The following WDR41 variants were observed in gnomAD, a reference collection of about 807,000 sequenced individuals.
The protein encoded by WDR41 is WD repeat-containing protein 41.
Under a neutral mutation model 69.3 loss-of-function variants are expected in WDR41, and 63 were observed. The observed-to-expected ratio is 0.91, with a 90% CI of 0.74 to 1.12. The LOEUF is 1.12. WDR41 is among the 50% of genes most tolerant of loss of function. WDR41 has a pLI of 0.00. For synonymous variants in WDR41, 185 were observed against 192.1 expected (o/e 0.96, Z 0.31); for missense variants, 543 against 534.5 (o/e 1.02, Z -0.16).
intron 1 of WDR41, among the ~76,000 whole-genome samples, chr5:77,610,003 GA>G (rs1408090991): frequency 2.0e-5 from 3 of 152,160 alleles, no homozygotes; most frequent in Non-Finnish European, 4.4e-5. Context: ...AGAACTACGT[GA>G]AGAATGCAGA....
At chr5:77,555,921 A>G (rs1039525544) in intron 1 of WDR41, among the ~76,000 whole-genome samples, 2 of 152,104 alleles carry the variant, frequency 1.3e-5, no homozygotes, top group African/African-American at 2.4e-5. Context: ...ACTGAAGAAG[A>G]AAAACAGAAG....
intron 1 of WDR41, among the ~76,000 whole-genome samples, chr5:77,515,345 C>G (rs1444215139): frequency 6.6e-6 from 1 of 152,126 alleles, no homozygotes; most frequent in Non-Finnish European, 1.5e-5. Flanking sequence ...TCATCAATAT[C>G]ACTATCTTCC....
chr5:77,477,111 CAAG>C (rs1191475564), intron 2 of WDR41, among the ~76,000 whole-genome samples: 1 of 148,054 alleles, frequency 6.8e-6, no homozygotes, highest in African/African-American at 2.6e-5. Flanking sequence ...ATCAATTCAA[CAAG>C]AAGAGCTAAC....
At chr5:77,491,171 T>G (rs1366394171) in intron 1 of WDR41, 22 of 409,720 alleles carry the variant, frequency 5.4e-5, no homozygotes, top group Non-Finnish European at 9.9e-6. Flanking sequence ...TGGCCGGTCC[T>G]CGCCTTAAGT....
At chr5:77,451,448 AAAG>A (rs1799625304) in intron 6 of WDR41, 95 bp from the exon 7 acceptor site, 3 of 1,112,594 alleles carry the variant, frequency 2.7e-6, no homozygotes, top group Non-Finnish European at 4.0e-6. Flanking sequence ...CGTTTTCCAT[AAAG>A]AAGATAAAGC....
At chr5:77,583,960 T>C (rs1326808041) in intron 1 of WDR41, among the ~76,000 whole-genome samples, 1 of 152,210 alleles carries the variant, frequency 6.6e-6, no homozygotes, top group African/African-American at 2.4e-5. Context: ...TCAATTAATG[T>C]AATACATCAT....
chr5:77,587,497 C>G (rs2112301978), intron 1 of WDR41, among the ~76,000 whole-genome samples: 1 of 152,328 alleles, frequency 6.6e-6, no homozygotes, highest in South Asian at 2.1e-4. Flanking sequence ...ACTTACTCAT[C>G]AACACTTGAT....
chr5:77,571,317 G>C (rs1040901300), intron 1 of WDR41, among the ~76,000 whole-genome samples: 9 of 152,004 alleles, frequency 5.9e-5, no homozygotes, highest in African/African-American at 2.2e-4. Context: ...CAGCCCTAAA[G>C]AGGTATAGAA....
chr5:77,483,481 CGTGTGTGTGTGTGTGTGTGTGTGTGTGT>C (rs35574463), intron 2 of WDR41, among the ~76,000 whole-genome samples: 12 of 143,460 alleles, frequency 8.4e-5, no homozygotes, highest in East Asian at 6.2e-4. Context: ...CCTGAATACT[CGTGTGTGTGTGTGTGTGTGTGTGTGTGT>C]GTGTGTGTGT....
intron 8 of WDR41, among the ~76,000 whole-genome samples, chr5:77,444,832 G>C (rs903726448): frequency 1.3e-5 from 2 of 152,110 alleles, no homozygotes; most frequent in Non-Finnish European, 2.9e-5. Flanking sequence ...TCCTAAATAC[G>C]CCTTTGGCTT....
intron 1 of WDR41, among the ~76,000 whole-genome samples, chr5:77,537,126 C>T (rs1346254090): frequency 6.6e-6 from 1 of 152,226 alleles, no homozygotes; most frequent in Non-Finnish European, 1.5e-5. Flanking sequence ...TTGGTGCATT[C>T]CAAGGGAATA....
At chr5:77,520,036 C>T (rs1686557472) in intron 1 of WDR41, among the ~76,000 whole-genome samples, 2 of 152,018 alleles carry the variant, frequency 1.3e-5, no homozygotes, top group Non-Finnish European at 2.9e-5. Context: ...GCAGAGGGCA[C>T]ACAGCCTAAC....
chr5:77,469,359 T>A (rs1331334032), intron 2 of WDR41, among the ~76,000 whole-genome samples: 1 of 152,190 alleles, frequency 6.6e-6, no homozygotes, highest in East Asian at 1.9e-4. Flanking sequence ...ACCTGCATGT[T>A]GTGCACATGT....
At chr5:77,615,289 C>T (rs1744657459) in intron 1 of WDR41, among the ~76,000 whole-genome samples, 1 of 152,084 alleles carries the variant, frequency 6.6e-6, no homozygotes, top group Non-Finnish European at 1.5e-5. Flanking sequence ...GGATTAAATA[C>T]TAAAAATATA....
chr5:77,462,750 CTCA>C (rs1297111961), intron 4 of WDR41, among the ~76,000 whole-genome samples: 1 of 152,184 alleles, frequency 6.6e-6, no homozygotes, highest in Admixed American at 6.5e-5. Context: ...TCCAGTCCAA[CTCA>C]TCGTTGTTTC....
chr5:77,547,531 A>AT (rs1320900375), intron 1 of WDR41, among the ~76,000 whole-genome samples: 1 of 151,764 alleles, frequency 6.6e-6, no homozygotes, highest in Non-Finnish European at 1.5e-5. Flanking sequence ...TAGCTACAAA[A>AT]AAAAAAAACA....
At chr5:77,571,856 T>TC (rs1458976570) in intron 1 of WDR41, among the ~76,000 whole-genome samples, 1 of 152,206 alleles carries the variant, frequency 6.6e-6, no homozygotes, top group Non-Finnish European at 1.5e-5. Flanking sequence ...TAATTGCTGT[T>TC]AATGTGTTTA....
intron 1 of WDR41, among the ~76,000 whole-genome samples, chr5:77,502,423 T>C (rs6858923): frequency 0.62 from 94,687 of 151,830 alleles, 30,939 homozygotes; most frequent in African/African-American, 0.82. Flanking sequence ...ATCGGGAGAA[T>C]GCAACCAAGT....
At chr5:77,457,687 TAA>T (rs33914254) in intron 5 of WDR41, among the ~76,000 whole-genome samples, 5 of 151,844 alleles carry the variant, frequency 3.3e-5, no homozygotes, top group Non-Finnish European at 7.4e-5. Context: ...TCAACCCTTA[TAA>T]AAAATTTTGT....
Sources: allele counts gnomAD v4.1 joint callset (sites outside exome capture counted in the v4.1 genomes callset), GRCh38; gene constraint gnomAD v4.1.1; transcripts MANE v1.5; gene names NCBI Gene and HGNC (gene_info 2026-07-23, HGNC 2026-07-21).